Variants in ZNF43 observed in about 807,000 individuals in gnomAD.
The protein encoded by ZNF43 is zinc finger protein 43.
ZNF43 carries 44 observed loss-of-function variants against 68.4 expected under a neutral mutation model. The observed-to-expected ratio is 0.64, with a 90% CI of 0.51 to 0.83. ZNF43 has a LOEUF of 0.83. Ranked by LOEUF, ZNF43 falls within the 40% of genes least tolerant of loss-of-function variation. ZNF43 has a pLI of 0.00. For missense variants in ZNF43, 896 were observed against 933.2 expected (o/e 0.96, Z 0.52); for synonymous variants, 308 against 307.8 (o/e 1.00, Z -0.01).
rs1032955473 is a variant in ZNF43, at chr19:21,825,801, C to T, written c.4-6580G>A. 3.3e-5 allele frequency among the ~76,000 whole-genome samples: 5 copies of T among 152,244 alleles called. No individual in the cohort carries two copies. The South Asian group carries it at 8.3e-4, about 25-fold the overall frequency. On this transcript the variant is annotated intron_variant, in intron 1 of 3. Transcript: ENST00000354959. The stretch of plus-strand genomic sequence containing the variant: ...GGGTCAGTGGCTCACGCCTGTAATC[C>T]CAGCACTGTGGGAGGCCAAGGCAGG...
In ZNF43 at chr19:21,835,950, G is replaced by T. The variant is rs965402077; in HGVS notation, c.3+86C>A. Reference sequence around the variant, plus strand: ...CCGAGCTGGGCAAGAACTCCGGCACGCGCAGATTGTGGAGCTGACTGCGGG... The same window carrying T: ...CCGAGCTGGGCAAGAACTCCGGCACTCGCAGATTGTGGAGCTGACTGCGGG... On this transcript the variant is annotated intron_variant, in intron 1 of 3. Transcript: ENST00000354959. The T allele has an allele frequency of 2.6e-5, 41 of 1,603,810 alleles. No individual in the cohort carries two copies. The South Asian group carries it at 3.8e-4, about 15-fold the overall frequency.
chr19:21,809,714 TCA>T lies in ZNF43; in HGVS notation c.321_322del (p.Cys107Ter). 6.2e-7 allele frequency: 1 copy of T among 1,613,228 alleles called. No homozygotes were observed. The highest frequency in any genetic ancestry group is 1.1e-5 in the South Asian group (1 of 90,976). Reference sequence around the variant, plus strand: ...TTTTTTTAAATGTACATTTTTATGTTCACAGTTTTTATATCTTCTCAGTGTCG... The same window carrying T: ...TTTTTTTAAATGTACATTTTTATGTTCAGTTTTTATATCTTCTCAGTGTCG... On this transcript the variant is annotated stop_gained and frameshift_variant, in exon 4 of 4. Transcript: ENST00000354959. LOFTEE classifies it high-confidence loss of function.
chr19:21,835,932 G>A (rs2038701580), intron 1 of ZNF43, 104 bp downstream of exon 1: 3 of 1,586,254 alleles, frequency 1.9e-6, no homozygotes, highest in Non-Finnish European at 2.6e-6. Flanking sequence ...AGGCCGAGCT[G>A]GGCAAGAACT....
At chr19:21,828,506 G>C (rs2145292182) in intron 1 of ZNF43, among the ~76,000 whole-genome samples, 1 of 152,000 alleles carries the variant, frequency 6.6e-6, no homozygotes, top group East Asian at 2.0e-4. Flanking sequence ...CCTGAGGTCA[G>C]GAGTTCGAGA....
At chr19:21,832,355 T>C (rs988272521) in intron 1 of ZNF43, among the ~76,000 whole-genome samples, 4 of 152,168 alleles carry the variant, frequency 2.6e-5, no homozygotes, top group Admixed American at 2.0e-4. Flanking sequence ...GATGCTTTTC[T>C]TACACCATAT....
chr19:21,817,537 T>TAA (rs1294450043), intron 3 of ZNF43, among the ~76,000 whole-genome samples: 1 of 152,058 alleles, frequency 6.6e-6, no homozygotes, highest in African/African-American at 2.4e-5. Context: ...AGAAAGAACT[T>TAA]AAAAAATAGT....
At chr19:21,821,737 T>C (rs1465503634) in intron 1 of ZNF43, among the ~76,000 whole-genome samples, 7 of 152,166 alleles carry the variant, frequency 4.6e-5, no homozygotes, top group Non-Finnish European at 7.3e-5. Context: ...CTCTGTTATA[T>C]AGAAAAGAAA....
intron 1 of ZNF43, among the ~76,000 whole-genome samples, chr19:21,821,493 A>T (rs1181038477): frequency 6.6e-6 from 1 of 152,176 alleles, no homozygotes; most frequent in African/African-American, 2.4e-5. Context: ...TTAAACAAGC[A>T]TTTTCTGAAT....
intron 1 of ZNF43, among the ~76,000 whole-genome samples, chr19:21,848,927 G>C (rs1490023715): frequency 6.6e-6 from 1 of 152,150 alleles, no homozygotes; most frequent in Non-Finnish European, 1.5e-5. Flanking sequence ...CATTGGTTCA[G>C]ATTGAAAAAT....
At chr19:21,817,169 G>T (rs980346876) in intron 3 of ZNF43, among the ~76,000 whole-genome samples, 6 of 151,636 alleles carry the variant, frequency 4.0e-5, no homozygotes, top group African/African-American at 1.5e-4. Flanking sequence ...GTTGCAGTGA[G>T]CCGAGATTGT....
intron 1 of ZNF43, chr19:21,851,172 A>G (rs78138759): frequency 0.09 from 13,671 of 152,192 alleles, 688 homozygotes; most frequent in Middle Eastern, 0.16. Context: ...CCTGTGGACC[A>G]GGCCCGCATA....
chr19:21,843,073 T>C (rs1257642911), intron 1 of ZNF43: 1 of 152,220 alleles, frequency 6.6e-6, no homozygotes, highest in African/African-American at 2.4e-5. Context: ...ATTCATATCA[T>C]CTGGGTGTTA....
upstream of ZNF43, chr19:21,836,264 G>C (rs919485950): frequency 7.3e-7 from 1 of 1,371,078 alleles, no homozygotes; most frequent in African/African-American, 1.5e-5. Context: ...CAGCGTCCCT[G>C]ATTGGATAAC....
intron 1 of ZNF43, among the ~76,000 whole-genome samples, chr19:21,847,774 G>T (rs1027582257): frequency 3.3e-5 from 5 of 152,052 alleles, no homozygotes; most frequent in African/African-American, 9.7e-5. Flanking sequence ...TGTAGGCAGG[G>T]TCCAGAGAAA....
chr19:21,817,838 C>T (rs1348871789), intron 3 of ZNF43, 50 bp downstream of exon 3: 2 of 1,557,322 alleles, frequency 1.3e-6, no homozygotes, highest in Non-Finnish European at 1.8e-6. Context: ...TCCCCTTAAC[C>T]TTTGGACTTC....
At position 21,809,234 on chromosome 19, in the gene ZNF43, T is replaced by C; in HGVS notation, c.803A>G (p.Asn268Ser). 1.2e-6 allele frequency: 2 copies of C among 1,613,634 alleles called. No individual in the cohort carries two copies. Among genetic ancestry groups the C allele is most frequent in the Non-Finnish European group, 1.7e-6 (2 of 1,179,820 alleles). The change falls in exon 4 of 4, where the codon AAC becomes AGC. Residue 268 changes from asparagine to serine, a missense_variant. Asn to Ser is a conservative substitution (Grantham distance 46, BLOSUM62 1). Coordinates refer to ENST00000354959, the MANE Select transcript of ZNF43 (RefSeq NM_003423.4). ...ATGGGTAGTAAGGATTGAGGACTTG[T>C]TAAAAGCTTTGCCACATTCTTCACA... ...YKCEECGKAFNKSSILTTHKI... is the reference protein window; with the variant it reads ...YKCEECGKAFSKSSILTTHKI...
At chr19:21,836,214 G>A (rs979221720), upstream of ZNF43, 11 of 1,485,038 alleles carry the variant, frequency 7.4e-6, no homozygotes, top group South Asian at 2.6e-5. Flanking sequence ...AAGCCGCCCT[G>A]TCCTCTCCTG....
chr19:21,835,176 G>A (rs1189518020), intron 1 of ZNF43, among the ~76,000 whole-genome samples: 2 of 144,192 alleles, frequency 1.4e-5, no homozygotes, highest in Non-Finnish European at 3.0e-5. Context: ...TTGAATCCGG[G>A]AGACGGAGGT....
chr19:21,808,752 C>T lies in ZNF43; in HGVS notation c.1285G>A (p.Glu429Lys). ...THTGEKPYKC[E>K]ECGKAFNWPS... ...CAGTTAAAGGCTTTGCCACATTCTT[C>T]ACATTTGTAGGGTTTCTCTCCAGTA... Residue 429 changes from glutamate (E) to lysine (K), a missense_variant, in exon 4 of 4, where the codon GAA (glutamate) becomes AAA (lysine). Coordinates refer to ENST00000354959, the MANE Select transcript of ZNF43 (RefSeq NM_003423.4). 1 of 1,612,022 alleles carries T rather than the reference C, an allele frequency of 6.2e-7. No individual in the cohort carries two copies. Among genetic ancestry groups the T allele is most frequent in the Non-Finnish European group, 8.5e-7 (1 of 1,179,660 alleles).
Sources: gnomAD v4.1 joint callset for allele counts (sites outside exome capture counted in the v4.1 genomes callset) on GRCh38, gnomAD v4.1.1 for gene constraint, MANE v1.5 for transcripts, NCBI Gene and HGNC (gene_info 2026-07-23, HGNC 2026-07-21) for gene names.